Variants in PIK3C2G observed in about 807,000 individuals in gnomAD.
PIK3C2G encodes the protein phosphatidylinositol-4-phosphate 3-kinase catalytic subunit type 2 gamma.
A neutral mutation model predicts 181.1 loss-of-function variants in PIK3C2G; 168 were observed. That is an observed-to-expected ratio of 0.93 (90% confidence interval 0.82 to 1.05). PIK3C2G has a LOEUF of 1.05. PIK3C2G is among the 50% of genes least tolerant of loss of function. The pLI, the probability that PIK3C2G is intolerant of heterozygous loss-of-function variation, is 0.00. For missense variants in PIK3C2G, 1,869 were observed against 1,732.8 expected, an observed-to-expected ratio of 1.08 and a Z score of -1.40; for synonymous variants, 573 against 592.2, an observed-to-expected ratio of 0.97 and a Z score of 0.47.
chr12:18,433,003 C>A (rs1946249637), intron 18 of PIK3C2G, among the ~76,000 whole-genome samples: 1 of 150,652 alleles, frequency 6.6e-6, no homozygotes, highest in Non-Finnish European at 1.5e-5. Context: ...AACTTAAGAG[C>A]AAAACTGAAA....
At chr12:18,706,093 C>T in the PIK3C2G span, among the ~76,000 whole-genome samples, 14 of 151,556 alleles carry the variant, frequency 9.2e-5, no homozygotes, top group Admixed American at 5.3e-4. Flanking sequence ...ATTAGCTAGG[C>T]GTGGTGGCAG....
chr12:18,581,280 A>G (rs1344641894), intron 29 of PIK3C2G, among the ~76,000 whole-genome samples: 1 of 152,216 alleles, frequency 6.6e-6, no homozygotes, highest in African/African-American at 2.4e-5. Context: ...ATTATTAGAC[A>G]TTGAAAATCC....
the PIK3C2G span, among the ~76,000 whole-genome samples, chr12:18,697,326 C>G: frequency 6.6e-6 from 1 of 152,076 alleles, no homozygotes; most frequent in Non-Finnish European, 1.5e-5. Flanking sequence ...GTTACACATT[C>G]CTTGAGAGAA....
At chr12:18,400,971 T>C (rs1944219525) in intron 16 of PIK3C2G, among the ~76,000 whole-genome samples, 1 of 152,122 alleles carries the variant, frequency 6.6e-6, no homozygotes, top group African/African-American at 2.4e-5. Context: ...CCTTGCCATG[T>C]AGAATTGATC....
At chr12:18,266,750 G>A (rs1948517009) in intron 1 of PIK3C2G, among the ~76,000 whole-genome samples, 1 of 151,968 alleles carries the variant, frequency 6.6e-6, no homozygotes, top group African/African-American at 2.4e-5. Flanking sequence ...GTCTTTACAA[G>A]TAAACTGTAT....
At chr12:18,705,546 G>A in the PIK3C2G span, among the ~76,000 whole-genome samples, 265 of 152,200 alleles carry the variant, frequency 1.7e-3, 7 homozygotes, top group Admixed American at 0.016. Flanking sequence ...AACAACTGAA[G>A]CATCCATCAG....
chr12:18,516,363 C>T lies in PIK3C2G; in HGVS notation c.3323+10902C>T, dbSNP rs573559348. Among the ~76,000 whole-genome samples the T allele has an allele frequency of 2.0e-5, 3 of 151,262 alleles. No homozygotes were observed. The East Asian group carries it at 5.9e-4, about 30-fold the overall frequency. ...ACCCACTGAAAGCTGGATTGAGTCT[C>T]GGCTAAAAATACGTTTCTCTTCTCT... On this transcript the variant is annotated intron_variant, in intron 24 of 32. Coordinates refer to ENST00000538779, the MANE Select transcript of PIK3C2G (RefSeq NM_001288772.2).
At position 18,426,152 on chromosome 12, in the gene PIK3C2G, A is replaced by C. The variant is rs1032835579; in HGVS notation, c.2504+2113A>C. ...GCATCATTTTTGAAATGTAGTATGT[A>C]AAAGTATTTATGGGTTGTTTATTAA... On this transcript the variant is annotated intron_variant, in intron 18 of 32. Coordinates refer to ENST00000538779, the MANE Select transcript of PIK3C2G (RefSeq NM_001288772.2). 2.6e-5 allele frequency among the ~76,000 whole-genome samples: 4 copies of C among 152,312 alleles called. No homozygotes were observed. In the South Asian group the frequency reaches 8.3e-4, roughly 32 times the overall value.
the PIK3C2G span, among the ~76,000 whole-genome samples, chr12:18,703,561 T>C: frequency 6.6e-6 from 1 of 152,162 alleles, no homozygotes; most frequent in Non-Finnish European, 1.5e-5. Context: ...TAAATGACCT[T>C]AGAGATAGAG....
At chr12:18,608,604 GT>G (rs1189984021) in intron 30 of PIK3C2G, among the ~76,000 whole-genome samples, 1 of 151,760 alleles carries the variant, frequency 6.6e-6, no homozygotes, top group African/African-American at 2.4e-5. Flanking sequence ...TATACCTAAT[GT>G]TAAATGACAA....
chr12:18,264,961 C>A (rs1221260502), intron 1 of PIK3C2G, among the ~76,000 whole-genome samples: 1 of 152,174 alleles, frequency 6.6e-6, no homozygotes, highest in African/African-American at 2.4e-5. Flanking sequence ...ACTCAGCAAG[C>A]CTTTTCCTCA....
intron 29 of PIK3C2G, among the ~76,000 whole-genome samples, chr12:18,578,970 C>G (rs538060074): frequency 1.3e-5 from 2 of 151,966 alleles, no homozygotes; most frequent in African/African-American, 4.8e-5. Context: ...AGTCTTATGA[C>G]AACATAGGAA....
At chr12:18,542,825 T>G (rs1276644668) in intron 25 of PIK3C2G, among the ~76,000 whole-genome samples, 1 of 151,986 alleles carries the variant, frequency 6.6e-6, no homozygotes, top group Non-Finnish European at 1.5e-5. Flanking sequence ...GGCATTTAGG[T>G]TGATTCCATG....
At chr12:18,291,757 T>C (rs1330992273) in intron 4 of PIK3C2G, among the ~76,000 whole-genome samples, 2 of 152,010 alleles carry the variant, frequency 1.3e-5, no homozygotes, top group African/African-American at 4.8e-5. Flanking sequence ...ATTGTTATTA[T>C]TGTGCTTCTT....
At chr12:18,516,017 T>C (rs1450340556) in intron 24 of PIK3C2G, among the ~76,000 whole-genome samples, 1 of 152,068 alleles carries the variant, frequency 6.6e-6, no homozygotes, top group Non-Finnish European at 1.5e-5. Flanking sequence ...ATCATAATTA[T>C]AGTATTACGT....
chr12:18,501,463 T>A (rs559639053), intron 22 of PIK3C2G, among the ~76,000 whole-genome samples: 12 of 152,204 alleles, frequency 7.9e-5, no homozygotes, highest in African/African-American at 2.6e-4. Context: ...CACGTGGGGA[T>A]TATGGGGATT....
intron 18 of PIK3C2G, among the ~76,000 whole-genome samples, chr12:18,462,218 C>G (rs866861345): frequency 1.3e-5 from 2 of 152,124 alleles, no homozygotes; most frequent in Non-Finnish European, 2.9e-5. Flanking sequence ...CCTTGGGTAG[C>G]CTTTACTTTA....
intron 16 of PIK3C2G, among the ~76,000 whole-genome samples, chr12:18,407,438 G>A (rs1422051726): frequency 1.3e-5 from 2 of 152,006 alleles, no homozygotes; most frequent in African/African-American, 4.8e-5. Context: ...CCATTTTACA[G>A]ATGAAGACAT....
At chr12:18,641,810 C>T (rs963051013) in intron 32 of PIK3C2G, among the ~76,000 whole-genome samples, 4 of 134,316 alleles carry the variant, frequency 3.0e-5, no homozygotes, top group African/African-American at 8.6e-5. Flanking sequence ...AGTGCAGTGG[C>T]GCAATCTCAG....
Sources: allele counts gnomAD v4.1 joint callset (sites outside exome capture counted in the v4.1 genomes callset), GRCh38; gene constraint gnomAD v4.1.1; transcripts MANE v1.5; gene names NCBI Gene and HGNC (gene_info 2026-07-23, HGNC 2026-07-21).